RFX3: variants seen among roughly 807,000 people sequenced by gnomAD.
The protein encoded by RFX3 is transcription factor RFX3.
RFX3 carries 14 observed loss-of-function variants against 98.6 expected under a neutral mutation model. That is an observed-to-expected ratio of 0.14 (90% CI 0.09 to 0.22). The LOEUF (loss-of-function observed/expected upper bound fraction) is 0.22, where lower values mean the gene tolerates loss of function less well. Among genes scored for constraint, RFX3 ranks in the 10% least tolerant of loss-of-function variants. The probability of loss-of-function intolerance (pLI) is 1.00; values close to 1 mark genes in which losing one functional copy is unlikely to be tolerated. For synonymous variants in RFX3, 383 were observed against 328.4 expected (o/e 1.17, Z -1.80); for missense variants, 639 against 926.9 (o/e 0.69, Z 4.03).
At chr9:3,227,792 T>C (rs1283866032) in intron 16 of RFX3, among the ~76,000 whole-genome samples, 1 of 152,240 alleles carries the variant, frequency 6.6e-6, no homozygotes, top group East Asian at 1.9e-4. Flanking sequence ...TGGTTAATCC[T>C]ATAGAGTATA....
At chr9:3,438,730 G>A (rs1041660787) in intron 1 of RFX3, among the ~76,000 whole-genome samples, 1 of 151,994 alleles carries the variant, frequency 6.6e-6, no homozygotes, top group African/African-American at 2.4e-5. Context: ...GAAATCTAGA[G>A]TGGCTATACT....
At chr9:3,256,339 C>CTTT (rs200534632) in intron 14 of RFX3, among the ~76,000 whole-genome samples, 107 of 144,560 alleles carry the variant, frequency 7.4e-4, no homozygotes, top group African/African-American at 2.5e-3. Flanking sequence ...GGATTTGTTT[C>CTTT]TTTTTTTTTT....
At chr9:3,317,522 T>G (rs200060196) in intron 4 of RFX3, among the ~76,000 whole-genome samples, 1 of 151,816 alleles carries the variant, frequency 6.6e-6, no homozygotes, top group Admixed American at 6.6e-5. Flanking sequence ...GACAAATGGG[T>G]TCTAATAAAA....
chr9:3,475,164 AAC>A, intron 1 of RFX3, among the ~76,000 whole-genome samples: 1 of 152,050 alleles, frequency 6.6e-6, no homozygotes, highest in East Asian at 1.9e-4. Flanking sequence ...GCCAACTATA[AAC>A]AGTTATAAAT....
At chr9:3,378,683 A>T (rs1255347651) in intron 2 of RFX3, among the ~76,000 whole-genome samples, 1 of 151,032 alleles carries the variant, frequency 6.6e-6, no homozygotes, top group African/African-American at 2.4e-5. Flanking sequence ...CACCTTCCCA[A>T]GTAGCTAGGG....
chr9:3,454,929 C>A (rs929471040), intron 1 of RFX3, among the ~76,000 whole-genome samples: 2 of 152,136 alleles, frequency 1.3e-5, no homozygotes, highest in Non-Finnish European at 1.5e-5. Flanking sequence ...ATACCCAAGT[C>A]TCCCGCCCCT....
chr9:3,260,426 T>G (rs1170819515), intron 13 of RFX3, among the ~76,000 whole-genome samples: 8 of 151,976 alleles, frequency 5.3e-5, no homozygotes, highest in Admixed American at 3.9e-4. Flanking sequence ...TAGAAATACT[T>G]CATTGGAATG....
At chr9:3,231,779 A>T (rs866101167) in intron 15 of RFX3, among the ~76,000 whole-genome samples, 23 of 152,154 alleles carry the variant, frequency 1.5e-4, no homozygotes, top group Middle Eastern at 6.8e-3. Context: ...AAAACAGAAG[A>T]GAGGTCAGGC....
At chr9:3,498,097 G>A (rs1274833937) in intron 1 of RFX3, among the ~76,000 whole-genome samples, 1 of 151,916 alleles carries the variant, frequency 6.6e-6, no homozygotes, top group Non-Finnish European at 1.5e-5. Flanking sequence ...GAAGCATCTT[G>A]TTTCAGGTTG....
intron 13 of RFX3, among the ~76,000 whole-genome samples, chr9:3,257,845 T>C (rs1051025702): frequency 1.3e-5 from 2 of 152,128 alleles, no homozygotes; most frequent in African/African-American, 2.4e-5. Flanking sequence ...ACAAAAACTC[T>C]TGAGAAAATG....
intron 3 of RFX3, among the ~76,000 whole-genome samples, chr9:3,339,037 C>T (rs62526373): frequency 0.14 from 21,322 of 151,760 alleles, 1,678 homozygotes; most frequent in South Asian, 0.26. Context: ...TGCAGTGAGC[C>T]GAGATCGCAC....
chr9:3,341,688 G>A (rs1408190546), intron 3 of RFX3, among the ~76,000 whole-genome samples: 1 of 152,196 alleles, frequency 6.6e-6, no homozygotes, highest in African/African-American at 2.4e-5. Flanking sequence ...GTATTAGAGA[G>A]AGAACAGGGT....
intron 1 of RFX3, among the ~76,000 whole-genome samples, chr9:3,456,560 A>G (rs77581825): frequency 0.088 from 13,379 of 152,236 alleles, 636 homozygotes; most frequent in African/African-American, 0.12. Context: ...AAAAACGGCC[A>G]CATCATGTCA....
chr9:3,474,472 G>A (rs1052708335), intron 1 of RFX3, among the ~76,000 whole-genome samples: 9 of 152,120 alleles, frequency 5.9e-5, no homozygotes, highest in Admixed American at 2.0e-4. Flanking sequence ...AGGAAATTCC[G>A]TGATTGTCTC....
In RFX3 at chr9:3,395,465, T is replaced by C. The variant is rs748242387; in HGVS notation, c.117+7A>G. On this transcript the variant is annotated splice_region_variant and intron_variant, in intron 2 of 16. Coordinates refer to ENST00000617270, the MANE Select transcript of RFX3 (RefSeq NM_001282116.2). Reference sequence around the variant, plus strand: ...CAGCATCTTTTCTAAGAGCAGCAGCTCCTTACCTGTTGTTGTACTGGTACT... The same window carrying C: ...CAGCATCTTTTCTAAGAGCAGCAGCCCCTTACCTGTTGTTGTACTGGTACT... 1.2e-6 allele frequency: 2 copies of C among 1,613,566 alleles called. No homozygotes were observed. Among genetic ancestry groups the C allele is most frequent in the Admixed American group, 1.7e-5 (1 of 60,014 alleles).
chr9:3,415,970 C>T (rs540713765), intron 1 of RFX3, among the ~76,000 whole-genome samples: 1 of 152,248 alleles, frequency 6.6e-6, no homozygotes, highest in Admixed American at 6.5e-5. Flanking sequence ...ATTATCATAC[C>T]TGCTCATAGT....
chr9:3,346,932 T>C (rs1197985690), intron 2 of RFX3, among the ~76,000 whole-genome samples, 168 bp from the exon 3 acceptor site: 1 of 152,214 alleles, frequency 6.6e-6, no homozygotes, highest in African/African-American at 2.4e-5. Flanking sequence ...ATGTGTTGAT[T>C]CCAGAGCAAC....
At chr9:3,354,901 A>G (rs1472411055) in intron 2 of RFX3, among the ~76,000 whole-genome samples, 2 of 151,878 alleles carry the variant, frequency 1.3e-5, no homozygotes, top group Non-Finnish European at 2.9e-5. Context: ...TAGAGCAAAA[A>G]TAATAACAAT....
At position 3,308,728 on chromosome 9, in the gene RFX3, G is replaced by C. The variant is rs377762792; in HGVS notation, c.475-7108C>G. Among the ~76,000 whole-genome samples, 15 of 152,160 alleles carry C rather than the reference G, an allele frequency of 9.9e-5. No individual in the cohort carries two copies. In the East Asian group the frequency reaches 1.5e-3, roughly 16 times the overall value. On this transcript the variant is annotated intron_variant, in intron 4 of 16. Transcript: ENST00000617270. ...AATGAAACCTATTCAGAGTAAATTA[G>C]ATTTCATCAGAGAGTAGAGATGACC...
Sources: gnomAD v4.1 joint callset for allele counts (sites outside exome capture counted in the v4.1 genomes callset) on GRCh38, gnomAD v4.1.1 for gene constraint, MANE v1.5 for transcripts, NCBI Gene and HGNC (gene_info 2026-07-23, HGNC 2026-07-21) for gene names.